Variants in HHIPL1 observed in about 807,000 individuals in gnomAD.
HHIPL1 encodes the protein HHIP-like protein 1.
HHIPL1 carries 43 observed loss-of-function variants against 61.8 expected under a neutral mutation model. That is an observed-to-expected ratio of 0.70 (90% CI 0.55 to 0.90). The LOEUF (loss-of-function observed/expected upper bound fraction) is 0.90. HHIPL1 is among the 40% of genes least tolerant of loss of function. HHIPL1 has a pLI of 0.00. For synonymous variants in HHIPL1, 482 were observed against 515.8 expected (o/e 0.93, Z 0.89); for missense variants, 1,056 against 1,157.7 (o/e 0.91, Z 1.28).
At chr14:99,669,040 T>G in intron 7 of HHIPL1, 1 of 1,471,182 alleles carries the variant, frequency 6.8e-7, no homozygotes. Flanking sequence ...CCTCACCCTC[T>G]TCAAGCACCT....
At chr14:99,669,140 ACT>A in intron 7 of HHIPL1, 1 of 1,362,590 alleles carries the variant, frequency 7.3e-7, no homozygotes, top group East Asian at 2.7e-5. Context: ...TACACGACTG[ACT>A]CTCTCCCAGC....
At chr14:99,618,434 T>G in the HHIPL1 span, among the ~76,000 whole-genome samples, 2 of 152,136 alleles carry the variant, frequency 1.3e-5, no homozygotes, top group African/African-American at 2.4e-5. Flanking sequence ...GAGTGAAATG[T>G]CCAGCTCCCC....
In HHIPL1 at chr14:99,668,398, G is replaced by A. The variant is rs1415007751; in HGVS notation, c.1730+95G>A. The stretch of plus-strand genomic sequence containing the variant: ...CCTCCGCCTCGCCCTCAGGTGGGTG[G>A]TATTAATCCCCATTTTCAGACAAGA... On this transcript the variant is annotated intron_variant, in intron 7 of 8. Transcript: ENST00000330710. The surrounding 1 kb of genome is among the most constrained non-coding windows in gnomAD (Gnocchi z 4.7). 2 of 762,422 alleles carry A rather than the reference G, an allele frequency of 2.6e-6. No individual in the cohort carries two copies. The highest frequency in any genetic ancestry group is 2.9e-5 in the South Asian group (2 of 69,682). 47.2% of individuals were successfully genotyped at this position (762,422 alleles called of 1,614,324 possible). A position where few individuals can be genotyped will look rare whatever the true frequency, so the allele number is the denominator to read the frequency against.
At chr14:99,651,773 T>G (rs2055934584) in intron 1 of HHIPL1, among the ~76,000 whole-genome samples, 1 of 152,058 alleles carries the variant, frequency 6.6e-6, no homozygotes, top group African/African-American at 2.4e-5. Context: ...CACTTCGTGT[T>G]TTACTGTTTT....
chr14:99,652,415 G>C lies in HHIPL1; in HGVS notation c.447G>C (p.Leu149=). The C allele has an allele frequency of 1.2e-6, 2 of 1,614,202 alleles. No individual in the cohort carries two copies. Among genetic ancestry groups the C allele is most frequent in the Non-Finnish European group, 1.7e-6 (2 of 1,180,038 alleles). ...ACCTTGCCAGGTTCTGCCGCTACCT[G>C]TCCCTGGATGACACGGACTACTGCT... ...EGNLARFCRY[L]SLDDTDYCFP... is the part of the protein sequence containing the mutation. Residue 149 remains leucine (L), a synonymous_variant, in exon 2 of 9, where the codon CTG becomes CTC. Transcript: ENST00000330710.
the HHIPL1 span, among the ~76,000 whole-genome samples, chr14:99,635,755 C>G: frequency 3.9e-5 from 6 of 152,186 alleles, no homozygotes; most frequent in South Asian, 1.2e-3. Context: ...CATGGGGAGA[C>G]AGAGAGAGCT....
chr14:99,626,335 C>A, the HHIPL1 span, among the ~76,000 whole-genome samples: 1 of 152,188 alleles, frequency 6.6e-6, no homozygotes, highest in Admixed American at 6.5e-5. Context: ...AGGGAGCCTG[C>A]AAAACATGTT....
intron 6 of HHIPL1, among the ~76,000 whole-genome samples, chr14:99,667,004 C>T (rs1371983642): frequency 6.6e-6 from 1 of 152,260 alleles, no homozygotes; most frequent in Non-Finnish European, 1.5e-5. Flanking sequence ...ATGCAGCCCT[C>T]CCTGACTGCA....
At chr14:99,608,621 G>A in the HHIPL1 span, among the ~76,000 whole-genome samples, 1 of 152,182 alleles carries the variant, frequency 6.6e-6, no homozygotes, top group Non-Finnish European at 1.5e-5. Context: ...CAGACTATGA[G>A]GTATCATCCT....
chr14:99,656,407 C>T (rs79373239), intron 2 of HHIPL1, among the ~76,000 whole-genome samples: 3,965 of 152,200 alleles, frequency 0.026, 101 homozygotes, highest in Non-Finnish European at 0.035. Flanking sequence ...CTCCTTGGCA[C>T]GATAGAGTGC....
the HHIPL1 span, among the ~76,000 whole-genome samples, chr14:99,623,031 T>C: frequency 6.6e-6 from 1 of 152,196 alleles, no homozygotes; most frequent in African/African-American, 2.4e-5. Flanking sequence ...CAATTCTGAC[T>C]GGGGAGCTGG....
chr14:99,660,319 G>T lies in HHIPL1; in HGVS notation c.1415G>T (p.Gly472Val), dbSNP rs542621663. ...LPIFAYPHTV[G>V]KSVTGGYVYR... ...ATTTTCGCCTACCCGCACACGGTTGGCAAGTCGGTCACAGGGGGCTACGTG... is the reference window on the plus strand; with the variant it reads ...ATTTTCGCCTACCCGCACACGGTTGTCAAGTCGGTCACAGGGGGCTACGTG... Residue 472 changes from glycine (G) to valine (V), a missense_variant, in exon 5 of 9, where the codon GGC (glycine) becomes GTC (valine). Gly to Val is a moderately radical substitution (Grantham distance 109). Coordinates refer to ENST00000330710, the MANE Select transcript of HHIPL1 (RefSeq NM_001127258.3). This position sits in a 1 kb window ranked among gnomAD's most constrained non-coding sequence, Gnocchi z 4.9. 1 of 1,614,086 alleles carries T rather than the reference G, an allele frequency of 6.2e-7. No individual in the cohort carries two copies. Among genetic ancestry groups the T allele is most frequent in the Admixed American group, 1.7e-5 (1 of 60,026 alleles).
chr14:99,635,680 C>T, the HHIPL1 span, among the ~76,000 whole-genome samples: 1 of 152,146 alleles, frequency 6.6e-6, no homozygotes, highest in African/African-American at 2.4e-5. Flanking sequence ...TCATTTCCTA[C>T]TTGCAAGAGG....
upstream of HHIPL1, among the ~76,000 whole-genome samples, chr14:99,640,940 G>A (rs374172907): frequency 7.5e-6 from 1 of 134,034 alleles, no homozygotes; most frequent in African/African-American, 2.8e-5. Flanking sequence ...AGGCTGGAGT[G>A]CAATGGTGCG....
chr14:99,660,763 T>C lies in HHIPL1; in HGVS notation c.1502+357T>C, dbSNP rs985718020. Among the ~76,000 whole-genome samples the C allele has an allele frequency of 2.0e-5, 3 of 152,194 alleles. No individual in the cohort carries two copies. Among genetic ancestry groups the C allele is most frequent in the Admixed American group, 1.3e-4 (2 of 15,290 alleles). On this transcript the variant is annotated intron_variant, in intron 5 of 8. Transcript: ENST00000330710. The surrounding 1 kb of genome is among the most constrained non-coding windows in gnomAD (Gnocchi z 4.9). ...GGAGGGCAGAATATGAACAATTTCC[T>C]GGACACTCAGGGCCACCCTGCTCCT...
At position 99,660,085 on chromosome 14, in the gene HHIPL1, G is replaced by C. The variant is rs1287404171; in HGVS notation, c.1376-195G>C. Among the ~76,000 whole-genome samples the C allele has an allele frequency of 6.6e-6, 1 of 151,320 alleles. No individual in the cohort carries two copies. The highest frequency in any genetic ancestry group is 1.5e-5 in the Non-Finnish European group (1 of 67,886). Reference sequence around the variant, plus strand: ...CAGCAGCGCTCTTGAGTTCTTCCTCGCTCCATCCCCACCTGGCACCCCTGC... The same window carrying C: ...CAGCAGCGCTCTTGAGTTCTTCCTCCCTCCATCCCCACCTGGCACCCCTGC... On this transcript the variant is annotated intron_variant, in intron 4 of 8. Transcript: ENST00000330710. This position sits in a 1 kb window ranked among gnomAD's most constrained non-coding sequence, Gnocchi z 4.9.
At chr14:99,659,857 C>CCCA in intron 4 of HHIPL1, 101 bp downstream of exon 4, 2 of 620,976 alleles carry the variant, frequency 3.2e-6, no homozygotes, top group Non-Finnish European at 2.4e-6. Context: ...CCCCCCCCCC[C>CCCA]CCGGAGATCC....
chr14:99,651,284 A>AACAAG (rs1227383778), intron 1 of HHIPL1, among the ~76,000 whole-genome samples: 1 of 151,960 alleles, frequency 6.6e-6, no homozygotes, highest in East Asian at 1.9e-4. Flanking sequence ...CACAAAACAA[A>AACAAG]ACAAAACAAA....
chr14:99,657,105 C>T lies in HHIPL1; in HGVS notation c.1008C>T (p.Ala336=), dbSNP rs746734938. Residue 336 remains alanine, a synonymous_variant, in exon 3 of 9, where the codon GCC becomes GCT. Coordinates refer to ENST00000330710, the MANE Select transcript of HHIPL1 (RefSeq NM_001127258.3). ...LYIFTGDGGM[A]GDPFGTFGNA... ...TCTTCACTGGAGATGGCGGGATGGC[C>T]GGAGACCCCTTTGGGACATTTGGAA... is the stretch of plus-strand genomic sequence containing the variant. 6.1e-5 allele frequency: 99 copies of T among 1,613,172 alleles called. No homozygotes were observed. Among genetic ancestry groups the T allele is most frequent in the South Asian group, 2.2e-4 (20 of 90,886 alleles).
Sources: allele counts gnomAD v4.1 joint callset (sites outside exome capture counted in the v4.1 genomes callset), GRCh38; gene constraint gnomAD v4.1.1; non-coding constraint Gnocchi (gnomAD v3.1); transcripts MANE v1.5; gene names NCBI Gene and HGNC (gene_info 2026-07-23, HGNC 2026-07-21).